Variants in NEB observed in about 807,000 individuals in gnomAD.
NEB encodes the protein nebulin.
NEB carries 512 observed loss-of-function variants against 952.2 expected under a neutral mutation model. The observed-to-expected ratio is 0.54, with a 90% CI of 0.50 to 0.58. The LOEUF is 0.58. Among genes scored for constraint, NEB ranks in the 20% least tolerant of loss-of-function variants. The pLI is 0.00. For missense variants in NEB, 8,428 were observed against 9,231.1 expected (o/e 0.91, Z 3.56); for synonymous variants, 2,900 against 3,149.8 (o/e 0.92, Z 2.66).
chr2:151,652,018 A>G (rs2099035481), intron 52 of NEB, among the ~76,000 whole-genome samples: 1 of 152,210 alleles, frequency 6.6e-6, no homozygotes, highest in South Asian at 2.1e-4. Flanking sequence ...TGAAGAATTT[A>G]TAAAACTGAA....
chr2:151,529,755 G>A (rs1473525440), intron 145 of NEB, among the ~76,000 whole-genome samples: 1 of 152,036 alleles, frequency 6.6e-6, no homozygotes, highest in Admixed American at 6.6e-5. Context: ...TCTCGAACTC[G>A]TGACCTCAGG....
intron 165 of NEB, among the ~76,000 whole-genome samples, 193 bp from the exon 166 acceptor site, chr2:151,503,634 TTGAAAAC>T (rs2066464651): frequency 6.6e-6 from 1 of 152,202 alleles, no homozygotes. Context: ...TTTTACTACT[TTGAAAAC>T]TGGGCACTAA....
intron 39 of NEB, among the ~76,000 whole-genome samples, chr2:151,668,666 T>C (rs2099249722): frequency 6.6e-6 from 1 of 152,178 alleles, no homozygotes; most frequent in African/African-American, 2.4e-5. Context: ...CTAAACTTTT[T>C]TGGATGTTTT....
chr2:151,650,046 C>G, intron 54 of NEB, 130 bp downstream of exon 54: 1 of 829,344 alleles, frequency 1.2e-6, no homozygotes, highest in Non-Finnish European at 1.9e-6. Flanking sequence ...TAAAATGATC[C>G]AATATAAAAT....
chr2:151,669,186 C>T (rs2099255930), intron 38 of NEB, 55 bp from the exon 39 acceptor site: 5 of 1,251,012 alleles, frequency 4.0e-6, no homozygotes, highest in Non-Finnish European at 5.7e-6. Flanking sequence ...ATATAAATTT[C>T]ATCAAGCAGA....
intron 179 of NEB, chr2:151,491,063 C>G (rs2056195367): frequency 7.0e-6 from 1 of 142,492 alleles, no homozygotes; most frequent in African/African-American, 2.9e-5. Context: ...GAGATGGGGT[C>G]TCTGTTGCTC....
Position 151,697,218 on chromosome 2 carries a change from C to T in NEB, c.1400G>A (p.Gly467Asp). 6.2e-7 allele frequency: 1 copy of T among 1,613,764 alleles called. No individual in the cohort carries two copies. The highest frequency in any genetic ancestry group is 8.5e-7 in the Non-Finnish European group (1 of 1,179,846). ...NYKAEYEEDR[G>D]KGFFPQTITQ... is the part of the protein sequence containing the mutation. ...TATGGTCTGAGGGAAGAAGCCTTTG[C>T]CTCTGTCTTCTTCGTATTCTGCTTT... is the stretch of plus-strand genomic sequence containing the variant. The change falls in exon 16 of 182, where the codon GGC becomes GAC. Residue 467 changes from glycine (G) to aspartate (D), a missense_variant. Transcript: ENST00000397345.
At chr2:151,537,341 T>C (rs2093353536) in intron 140 of NEB, 105 bp from the exon 141 acceptor site, 5 of 642,012 alleles carry the variant, frequency 7.8e-6, no homozygotes. Context: ...CCTTGAGGTA[T>C]ATAAAATAAT....
At position 151,518,065 on chromosome 2, in the gene NEB, T is replaced by C. The variant is rs556431017; in HGVS notation, c.22800+253A>G. Among the ~76,000 whole-genome samples, 24 of 152,190 alleles carry C rather than the reference T, an allele frequency of 1.6e-4. No homozygotes were observed. In the South Asian group the frequency reaches 2.9e-3, roughly 18 times the overall value. On this transcript the variant is annotated intron_variant, in intron 156 of 181. Transcript: ENST00000397345. ...CATTGGAGTTACCATGAGGGGTTTG[T>C]CCCCTCATAAAACACACTCTTTATG...
At chr2:151,683,333 C>T (rs562215553) in intron 28 of NEB, among the ~76,000 whole-genome samples, 1 of 152,054 alleles carries the variant, frequency 6.6e-6, no homozygotes, top group African/African-American at 2.4e-5. Context: ...CATAAGAGGG[C>T]GGTTATTATT....
chr2:151,645,100 G>A (rs749692165), intron 55 of NEB, among the ~76,000 whole-genome samples: 1 of 152,216 alleles, frequency 6.6e-6, no homozygotes, highest in African/African-American at 2.4e-5. Flanking sequence ...TCCTGTATGT[G>A]TGCCTTTGTT....
At chr2:151,662,027 TC>T in intron 46 of NEB, 107 bp downstream of exon 46, 1 of 871,760 alleles carries the variant, frequency 1.1e-6, no homozygotes, top group Non-Finnish European at 1.7e-6. Context: ...TAAAATAACC[TC>T]AAGTGTGATG....
chr2:151,513,728 T>G, intron 159 of NEB, 35 bp from the exon 160 acceptor site: 11 of 1,336,072 alleles, frequency 8.2e-6, no homozygotes, highest in Non-Finnish European at 1.2e-5. Context: ...AAAAGGTACC[T>G]AAATGCTACT....
At chr2:151,632,203 T>C (rs988750456) in intron 65 of NEB, among the ~76,000 whole-genome samples, 2 of 152,006 alleles carry the variant, frequency 1.3e-5, no homozygotes, top group Non-Finnish European at 2.9e-5. Context: ...CATTAGATAT[T>C]CATAACTGCT....
chr2:151,618,883 AAACTTCAAGTGTAT>A (rs1269964465), intron 73 of NEB, among the ~76,000 whole-genome samples: 2 of 152,170 alleles, frequency 1.3e-5, no homozygotes, highest in African/African-American at 4.8e-5. Flanking sequence ...AAAAATCACA[AAACTTCAAGTGTAT>A]AAAGGAAATG....
At chr2:151,629,864 T>C (rs2098626342) in intron 67 of NEB, among the ~76,000 whole-genome samples, 1 of 152,116 alleles carries the variant, frequency 6.6e-6, no homozygotes, top group South Asian at 2.1e-4. Flanking sequence ...TATATAGTGA[T>C]ATATTAACCT....
intron 71 of NEB, among the ~76,000 whole-genome samples, 195 bp from the exon 72 acceptor site, chr2:151,621,221 G>A (rs1362429828): frequency 6.6e-6 from 1 of 152,094 alleles, no homozygotes; most frequent in African/African-American, 2.4e-5. Flanking sequence ...CATTCAGCAA[G>A]TTTTAACATC....
chr2:151,687,229 G>A (rs573418460), intron 27 of NEB, among the ~76,000 whole-genome samples, 190 bp downstream of exon 27: 4 of 152,252 alleles, frequency 2.6e-5, no homozygotes, highest in African/African-American at 9.6e-5. Flanking sequence ...GTACAAATCA[G>A]TAATTTCTCC....
chr2:151,621,824 A>G (rs1211458045), intron 71 of NEB, among the ~76,000 whole-genome samples: 1 of 152,232 alleles, frequency 6.6e-6, no homozygotes, highest in Non-Finnish European at 1.5e-5. Flanking sequence ...AGTAATTGCC[A>G]ACATCGGTAT....
Sources: gnomAD v4.1 joint callset for allele counts (sites outside exome capture counted in the v4.1 genomes callset) on GRCh38, gnomAD v4.1.1 for gene constraint, MANE v1.5 for transcripts, NCBI Gene and HGNC (gene_info 2026-07-23, HGNC 2026-07-21) for gene names.